CPLX1: variants seen among roughly 807,000 people sequenced by gnomAD.
CPLX1 encodes complexin-1.
A neutral mutation model predicts 15.6 loss-of-function variants in CPLX1; 6 were observed. The ratio of observed to expected loss-of-function variants is 0.39; its 90% CI spans 0.21 to 0.76. The LOEUF (loss-of-function observed/expected upper bound fraction) is 0.76, where lower values mean the gene tolerates loss of function less well. Among genes scored for constraint, CPLX1 ranks in the 30% least tolerant of loss-of-function variants. CPLX1 has a pLI of 0.43. For synonymous variants in CPLX1, 91 were observed against 75.2 expected, an observed-to-expected ratio of 1.21 and a Z score of -1.08; for missense variants, 242 against 188.6, an observed-to-expected ratio of 1.28 and a Z score of -1.66.
chr4:795,771 C>T (rs1262030244), intron 2 of CPLX1, among the ~76,000 whole-genome samples: 2 of 149,182 alleles, frequency 1.3e-5, no homozygotes, highest in Admixed American at 6.6e-5. Context: ...CCCTTCCCAC[C>T]CGGGAGCTCG....
chr4:823,076 C>T, intron 2 of CPLX1, among the ~76,000 whole-genome samples: 1 of 152,208 alleles, frequency 6.6e-6, no homozygotes, highest in Non-Finnish European at 1.5e-5. Context: ...GTCATGTAGA[C>T]AGCCAAATAA....
chr4:804,303 C>T (rs2152645832), intron 2 of CPLX1, among the ~76,000 whole-genome samples: 1 of 152,314 alleles, frequency 6.6e-6, no homozygotes, highest in African/African-American at 2.4e-5. Context: ...AAAAACCTAC[C>T]AGAACACATC....
At chr4:803,398 C>T (rs1479576883) in intron 2 of CPLX1, among the ~76,000 whole-genome samples, 1 of 149,326 alleles carries the variant, frequency 6.7e-6, no homozygotes, top group Non-Finnish European at 1.5e-5. Context: ...CTTTTCTTTC[C>T]TTTTTTTTTT....
intron 3 of CPLX1, among the ~76,000 whole-genome samples, chr4:791,499 T>C (rs531607156): frequency 1.3e-5 from 2 of 152,200 alleles, no homozygotes; most frequent in Non-Finnish European, 2.9e-5. Context: ...AGCTCCAGCT[T>C]CCCCACAACA....
In CPLX1 at chr4:787,728, G is replaced by A. The variant is rs1262941005; in HGVS notation, c.208-1030C>T. ...CTCCAGGCCTCTAAGTTTTTGTCAG[G>A]CCCCGGGGTTTTGGTTTCTAGATCA... On this transcript the variant is annotated intron_variant, in intron 3 of 3. Coordinates refer to ENST00000304062, the MANE Select transcript of CPLX1 (RefSeq NM_006651.4). 6 of 984,168 alleles carry A rather than the reference G, an allele frequency of 6.1e-6. No individual in the cohort carries two copies. In the East Asian group the frequency reaches 5.8e-4, roughly 95 times the overall value. 61.0% of individuals were successfully genotyped at this position (984,168 alleles called of 1,614,324 possible).
At chr4:813,520 A>C (rs1576996092) in intron 2 of CPLX1, among the ~76,000 whole-genome samples, 2 of 152,256 alleles carry the variant, frequency 1.3e-5, no homozygotes, top group South Asian at 4.1e-4. Flanking sequence ...TATAAAGGGC[A>C]CTGGGCCCAC....
At chr4:817,155 T>A (rs1576997491) in intron 2 of CPLX1, among the ~76,000 whole-genome samples, 1 of 147,816 alleles carries the variant, frequency 6.8e-6, no homozygotes, top group East Asian at 2.0e-4. Flanking sequence ...AGATAAAAAA[T>A]GAAATCCAAC....
At chr4:787,820 A>G (rs895769964) in intron 3 of CPLX1, 2 of 985,262 alleles carry the variant, frequency 2.0e-6, no homozygotes, top group Non-Finnish European at 2.4e-6. Flanking sequence ...GCCTGTGGTC[A>G]TGGTCAGGCC....
At chr4:818,828 G>A (rs1746809340) in intron 2 of CPLX1, among the ~76,000 whole-genome samples, 1 of 152,240 alleles carries the variant, frequency 6.6e-6, no homozygotes, top group African/African-American at 2.4e-5. Context: ...CGGTCCGCAG[G>A]CAAGGACAGC....
chr4:803,070 G>A (rs537827886), intron 2 of CPLX1, among the ~76,000 whole-genome samples: 4 of 152,262 alleles, frequency 2.6e-5, no homozygotes, highest in African/African-American at 7.2e-5. Flanking sequence ...TTAAGGAAGA[G>A]CAGAAAGTAT....
At position 801,271 on chromosome 4, in the gene CPLX1, G is replaced by A. The variant is rs184799917; in HGVS notation, c.32-8663C>T. ...TGGGAGGTGGAGGTTGCAGTGAGCC[G>A]AGATCGGGCCACTGCACTCCAGTCT... On this transcript the variant is annotated intron_variant, in intron 2 of 3. Transcript: ENST00000304062. 4.6e-4 allele frequency among the ~76,000 whole-genome samples: 69 copies of A among 150,826 alleles called. 1 individual carries two copies. The East Asian group carries it at 0.013, about 28-fold the overall frequency.
At chr4:790,432 G>C (rs1577469040) in intron 3 of CPLX1, among the ~76,000 whole-genome samples, 1 of 152,156 alleles carries the variant, frequency 6.6e-6, no homozygotes, top group East Asian at 1.9e-4. Context: ...AAGCTGAGGA[G>C]GTGCTTACGC....
intron 3 of CPLX1, among the ~76,000 whole-genome samples, chr4:789,125 G>A (rs537039758): frequency 8.5e-5 from 13 of 152,354 alleles, no homozygotes; most frequent in Non-Finnish European, 1.9e-4. Flanking sequence ...CTTGGCCTGA[G>A]GGCCAGGGTC....
intron 2 of CPLX1, among the ~76,000 whole-genome samples, chr4:816,228 T>TG (rs1746754127): frequency 6.7e-6 from 1 of 148,632 alleles, no homozygotes; most frequent in South Asian, 2.2e-4. Context: ...TTTTTTTTTT[T>TG]TTTTTTTTGA....
At chr4:824,414 G>A in intron 2 of CPLX1, 78 bp downstream of exon 2, 2 of 1,313,892 alleles carry the variant, frequency 1.5e-6, no homozygotes, top group Non-Finnish European at 2.2e-6. Context: ...TGCTGCGGTG[G>A]GCCAGATGAG....
chr4:821,202 C>A (rs765200383), intron 2 of CPLX1, among the ~76,000 whole-genome samples: 2 of 152,216 alleles, frequency 1.3e-5, no homozygotes, highest in Non-Finnish European at 2.9e-5. Context: ...GCATTCACTG[C>A]CGGACACTGT....
At position 823,123 on chromosome 4, in the gene CPLX1, G is replaced by A. The variant is rs369757841; in HGVS notation, c.31+1369C>T. On this transcript the variant is annotated intron_variant, in intron 2 of 3. Coordinates refer to ENST00000304062, the MANE Select transcript of CPLX1 (RefSeq NM_006651.4). ...TTCTTACAAGCCCACCTCAGGGCCT[G>A]AATTAGCCAACTAATTAATTATCCG... Among the ~76,000 whole-genome samples the A allele has an allele frequency of 1.2e-4, 19 of 152,354 alleles. 1 individual carries two copies. In the South Asian group the frequency reaches 3.9e-3, roughly 32 times the overall value.
intron 3 of CPLX1, chr4:787,788 C>G: frequency 1.0e-6 from 1 of 985,392 alleles, no homozygotes; most frequent in Non-Finnish European, 1.2e-6. Context: ...TCCAGCCCTC[C>G]CGTGAGCCAC....
intron 2 of CPLX1, among the ~76,000 whole-genome samples, chr4:797,855 G>A (rs1323916178): frequency 2.0e-5 from 3 of 152,008 alleles, no homozygotes; most frequent in East Asian, 3.9e-4. Context: ...GTGTGAACCC[G>A]GGAGGCGGAG....
Sources: allele counts gnomAD v4.1 joint callset (sites outside exome capture counted in the v4.1 genomes callset), GRCh38; gene constraint gnomAD v4.1.1; transcripts MANE v1.5; gene names NCBI Gene and HGNC (gene_info 2026-07-23, HGNC 2026-07-21).